TSPAN11: variants seen among roughly 807,000 people sequenced by gnomAD.
TSPAN11 encodes the protein tetraspanin 11, also known as tetraspanin-11.
A neutral mutation model predicts 32.9 loss-of-function variants in TSPAN11; 29 were observed. That is an observed-to-expected ratio of 0.88 (90% CI 0.66 to 1.20). The LOEUF (loss-of-function observed/expected upper bound fraction) is 1.20. Ranked by LOEUF, TSPAN11 falls within the 50% of genes most tolerant of loss-of-function variation. TSPAN11 has a pLI of 0.00. For missense variants in TSPAN11, 283 were observed against 329.1 expected, an observed-to-expected ratio of 0.86 and a Z score of 1.08; for synonymous variants, 140 against 141.3, an observed-to-expected ratio of 0.99 and a Z score of 0.07.
intron 1 of TSPAN11, among the ~76,000 whole-genome samples, chr12:30,946,631 G>T (rs1444067740): frequency 3.9e-5 from 6 of 152,236 alleles, no homozygotes; most frequent in African/African-American, 1.4e-4. Flanking sequence ...ATCTGGGAAG[G>T]TGGGGACAGC....
intron 1 of TSPAN11, among the ~76,000 whole-genome samples, chr12:30,940,753 G>A (rs1218468296): frequency 6.6e-6 from 1 of 152,188 alleles, no homozygotes; most frequent in Non-Finnish European, 1.5e-5. Flanking sequence ...ATGCTTACAA[G>A]GCAGGGGTCC....
chr12:30,990,591 C>T (rs902532211), intron 7 of TSPAN11, among the ~76,000 whole-genome samples: 6 of 152,214 alleles, frequency 3.9e-5, no homozygotes, highest in Admixed American at 2.6e-4. Flanking sequence ...TCACACTCCA[C>T]GCTGTCCTCC....
At chr12:30,952,606 A>T (rs763144909) in intron 1 of TSPAN11, among the ~76,000 whole-genome samples, 2 of 152,206 alleles carry the variant, frequency 1.3e-5, no homozygotes, top group African/African-American at 4.8e-5. Flanking sequence ...AAGAGGCAGA[A>T]CAGTGGCTCA....
chr12:30,960,874 A>G (rs1005244344), intron 2 of TSPAN11, among the ~76,000 whole-genome samples: 1 of 151,794 alleles, frequency 6.6e-6, no homozygotes, highest in African/African-American at 2.4e-5. Context: ...CCCCCTTTCT[A>G]CTAAGGATAC....
chr12:30,962,292 C>A (rs928446757), intron 2 of TSPAN11, among the ~76,000 whole-genome samples: 1 of 152,160 alleles, frequency 6.6e-6, no homozygotes, highest in Non-Finnish European at 1.5e-5. Flanking sequence ...GAAATAGTAT[C>A]TATTAAAAAC....
the TSPAN11 span, among the ~76,000 whole-genome samples, chr12:31,002,516 T>C: frequency 0.16 from 24,781 of 152,154 alleles, 2,173 homozygotes; most frequent in East Asian, 0.34. This position sits in a 1 kb window ranked among gnomAD's most constrained non-coding sequence, Gnocchi z 4.8. Context: ...GCGAGACTTC[T>C]ACTGCAGTAG....
intron 1 of TSPAN11, among the ~76,000 whole-genome samples, chr12:30,952,785 A>T (rs1938407362): frequency 6.6e-6 from 1 of 152,200 alleles, no homozygotes; most frequent in African/African-American, 2.4e-5. Context: ...GTCCATTATA[A>T]GACTGAACAG....
chr12:30,941,729 G>C (rs1343923001), intron 1 of TSPAN11, among the ~76,000 whole-genome samples: 1 of 152,256 alleles, frequency 6.6e-6, no homozygotes, highest in Non-Finnish European at 1.5e-5. Context: ...GGATGGCAGA[G>C]GCCCTGCTGG....
chr12:30,985,791 G>A (rs904934834), intron 7 of TSPAN11, among the ~76,000 whole-genome samples: 5 of 152,234 alleles, frequency 3.3e-5, no homozygotes, highest in African/African-American at 4.8e-5. Flanking sequence ...AAGGTAAACC[G>A]CACAGCTGCA....
chr12:30,978,422 G>A, intron 3 of TSPAN11, 139 bp from the exon 4 acceptor site: 6 of 807,406 alleles, frequency 7.4e-6, no homozygotes, highest in Middle Eastern at 2.8e-4. Flanking sequence ...AGCCAGTGAG[G>A]CTGGTACATC....
chr12:30,982,850 C>T (rs1939121992), intron 6 of TSPAN11, among the ~76,000 whole-genome samples, 160 bp downstream of exon 6: 1 of 152,234 alleles, frequency 6.6e-6, no homozygotes, highest in Non-Finnish European at 1.5e-5. Context: ...AGAGTCTCTA[C>T]AAAGCCCTGG....
intron 3 of TSPAN11, among the ~76,000 whole-genome samples, chr12:30,972,898 C>T (rs193242361): frequency 1.3e-4 from 20 of 151,938 alleles, no homozygotes; most frequent in East Asian, 9.8e-4. Context: ...AGGGCAGTGA[C>T]GGATGCTTAT....
chr12:30,931,595 C>T (rs1937928511), intron 1 of TSPAN11, among the ~76,000 whole-genome samples: 2 of 151,998 alleles, frequency 1.3e-5, no homozygotes, highest in South Asian at 2.1e-4. Flanking sequence ...AATTAGAGTA[C>T]CTGGCTGGGC....
chr12:30,948,333 G>T (rs546951212), intron 1 of TSPAN11, among the ~76,000 whole-genome samples: 3 of 152,332 alleles, frequency 2.0e-5, no homozygotes, highest in East Asian at 3.9e-4. Flanking sequence ...CTGTGTGGGG[G>T]CTCTAACCCC....
At chr12:31,009,284 T>A in the TSPAN11 span, among the ~76,000 whole-genome samples, 1,776 of 152,276 alleles carry the variant, frequency 0.012, 33 homozygotes, top group African/African-American at 0.034. Context: ...CCCCACCTCC[T>A]CCTCCAGGCC....
intron 2 of TSPAN11, among the ~76,000 whole-genome samples, chr12:30,955,823 A>G (rs1281015586): frequency 6.6e-6 from 1 of 152,162 alleles, no homozygotes; most frequent in African/African-American, 2.4e-5. Flanking sequence ...TTACAAGGAC[A>G]CCAGTCATAT....
At chr12:30,977,536 C>T (rs1171557854) in intron 3 of TSPAN11, among the ~76,000 whole-genome samples, 1 of 152,128 alleles carries the variant, frequency 6.6e-6, no homozygotes, top group Non-Finnish European at 1.5e-5. Flanking sequence ...AGTAGTGCTC[C>T]CCCTCTCTCC....
At chr12:30,939,910 A>T (rs920842912) in intron 1 of TSPAN11, among the ~76,000 whole-genome samples, 75 of 152,232 alleles carry the variant, frequency 4.9e-4, no homozygotes, top group African/African-American at 1.8e-3. Context: ...TTTCAAAAGG[A>T]TTTTTTACTT....
intron 1 of TSPAN11, among the ~76,000 whole-genome samples, chr12:30,940,548 G>A (rs1362855016): frequency 1.3e-5 from 2 of 152,146 alleles, no homozygotes; most frequent in Non-Finnish European, 2.9e-5. Context: ...GAATATTGTT[G>A]ACAAGCAGCA....
Sources: gnomAD v4.1 joint callset for allele counts (sites outside exome capture counted in the v4.1 genomes callset) on GRCh38, gnomAD v4.1.1 for gene constraint, Gnocchi (gnomAD v3.1) non-coding constraint, MANE v1.5 for transcripts, NCBI Gene and HGNC (gene_info 2026-07-23, HGNC 2026-07-21) for gene names.